PDGFC: variants seen among roughly 807,000 people sequenced by gnomAD.
PDGFC encodes the protein platelet-derived growth factor C.
A neutral mutation model predicts 35.5 loss-of-function variants in PDGFC; 12 were observed. The observed-to-expected ratio is 0.34, with a 90% CI of 0.22 to 0.55. PDGFC has a LOEUF of 0.55. PDGFC is among the 20% of genes least tolerant of loss of function. The pLI, the probability that PDGFC is intolerant of heterozygous loss-of-function variation, is 0.91. For missense variants in PDGFC, 322 were observed against 412.4 expected, an observed-to-expected ratio of 0.78 and a Z score of 1.90; for synonymous variants, 159 against 148.8, an observed-to-expected ratio of 1.07 and a Z score of -0.50.
At chr4:156,910,299 T>C (rs940390818) in intron 1 of PDGFC, among the ~76,000 whole-genome samples, 1 of 152,166 alleles carries the variant, frequency 6.6e-6, no homozygotes, top group African/African-American at 2.4e-5. Context: ...TCTGCTAATG[T>C]TGACATGTTT....
At chr4:156,940,109 A>C (rs753029432) in intron 1 of PDGFC, among the ~76,000 whole-genome samples, 7 of 152,172 alleles carry the variant, frequency 4.6e-5, no homozygotes, top group Non-Finnish European at 1.0e-4. Flanking sequence ...AAAAATACAT[A>C]TTTAAAGAAT....
chr4:156,772,657 T>G (rs770103503), intron 4 of PDGFC, 29 bp downstream of exon 4: 14 of 1,447,872 alleles, frequency 9.7e-6, no homozygotes, highest in Non-Finnish European at 1.4e-5. Context: ...GAAAATTAAA[T>G]GAGGTTCTAA....
chr4:156,852,248 T>C (rs779514558), intron 1 of PDGFC, among the ~76,000 whole-genome samples: 1 of 152,144 alleles, frequency 6.6e-6, no homozygotes, highest in Non-Finnish European at 1.5e-5. Context: ...TGCAGTAACA[T>C]CATGGAGAGA....
chr4:156,930,839 A>C (rs1731534201), intron 1 of PDGFC, among the ~76,000 whole-genome samples: 1 of 152,224 alleles, frequency 6.6e-6, no homozygotes, highest in Non-Finnish European at 1.5e-5. Flanking sequence ...ATTGCACTCC[A>C]GCCTGGGTGA....
intron 2 of PDGFC, among the ~76,000 whole-genome samples, chr4:156,818,223 A>C (rs1220307563): frequency 6.6e-6 from 1 of 151,432 alleles, no homozygotes; most frequent in African/African-American, 2.4e-5. Context: ...TATACACTCA[A>C]TGCATTTTCT....
chr4:156,861,080 A>G (rs948483848), intron 1 of PDGFC, among the ~76,000 whole-genome samples: 19 of 152,174 alleles, frequency 1.2e-4, no homozygotes, highest in Non-Finnish European at 2.2e-4. Context: ...ATAATTTGCC[A>G]GGTAAAACTA....
At chr4:156,811,946 C>A (rs548876688) in intron 2 of PDGFC, among the ~76,000 whole-genome samples, 71 of 152,166 alleles carry the variant, frequency 4.7e-4, no homozygotes, top group Non-Finnish European at 9.1e-4. Context: ...GTCCTCCATG[C>A]CTTTCAAATA....
chr4:156,955,395 A>G (rs2110953505), intron 1 of PDGFC, among the ~76,000 whole-genome samples: 1 of 152,066 alleles, frequency 6.6e-6, no homozygotes, highest in East Asian at 1.9e-4. Context: ...TGTTTTCACC[A>G]CGAAAAAAAA....
At chr4:156,945,332 CATATACATACATATAT>C (rs1731913443) in intron 1 of PDGFC, among the ~76,000 whole-genome samples, 1 of 66,112 alleles carries the variant, frequency 1.5e-5, no homozygotes, top group Non-Finnish European at 3.2e-5. Flanking sequence ...TGTATATATA[CATATACATACATATAT>C]ATATATATAT....
At chr4:156,818,645 C>T (rs112283061) in intron 2 of PDGFC, among the ~76,000 whole-genome samples, 4 of 151,690 alleles carry the variant, frequency 2.6e-5, no homozygotes, top group Admixed American at 6.6e-5. Flanking sequence ...CTCAGCCTCC[C>T]GAGTAGCTGG....
chr4:156,787,333 C>T (rs1203769078), intron 3 of PDGFC, among the ~76,000 whole-genome samples: 2 of 152,070 alleles, frequency 1.3e-5, no homozygotes, highest in Non-Finnish European at 2.9e-5. Context: ...GTTGTGTCAA[C>T]CACTGATGAT....
At chr4:156,847,772 C>G (rs1302338211) in intron 2 of PDGFC, among the ~76,000 whole-genome samples, 1 of 58,116 alleles carries the variant, frequency 1.7e-5, no homozygotes, top group Non-Finnish European at 2.9e-5. Context: ...GCAAAACATC[C>G]ACAATGCTCC....
chr4:156,933,954 A>T (rs1300916268), intron 1 of PDGFC, among the ~76,000 whole-genome samples: 1 of 152,188 alleles, frequency 6.6e-6, no homozygotes, highest in Admixed American at 6.5e-5. Flanking sequence ...CCTCCTTTAT[A>T]AATTACCCAG....
intron 2 of PDGFC, among the ~76,000 whole-genome samples, chr4:156,813,782 T>C (rs1647071213): frequency 6.6e-6 from 1 of 152,074 alleles, no homozygotes; most frequent in Non-Finnish European, 1.5e-5. Context: ...TTTAAAAAAT[T>C]TGTCAACGTT....
At chr4:156,798,323 T>A (rs968920998) in intron 3 of PDGFC, among the ~76,000 whole-genome samples, 7 of 152,176 alleles carry the variant, frequency 4.6e-5, no homozygotes, top group African/African-American at 1.2e-4. Context: ...AGGTCTAAGA[T>A]CACACCAAAA....
At chr4:156,774,872 T>G (rs1730786251) in intron 3 of PDGFC, among the ~76,000 whole-genome samples, 1 of 152,106 alleles carries the variant, frequency 6.6e-6, no homozygotes, top group South Asian at 2.1e-4. Context: ...GTTTATGACA[T>G]GATGTTACAG....
At chr4:156,935,964 G>A (rs1016765700) in intron 1 of PDGFC, among the ~76,000 whole-genome samples, 4 of 152,064 alleles carry the variant, frequency 2.6e-5, no homozygotes, top group African/African-American at 9.7e-5. Flanking sequence ...TCATAGACAG[G>A]GGAGGAAAAA....
chr4:156,934,648 T>C (rs1437817096), intron 1 of PDGFC, among the ~76,000 whole-genome samples: 1 of 152,242 alleles, frequency 6.6e-6, no homozygotes, highest in Non-Finnish European at 1.5e-5. Context: ...TCTTTTGCAA[T>C]AACATTTAGT....
chr4:156,802,575 CACACACACAT>C (rs1731644219), intron 3 of PDGFC, among the ~76,000 whole-genome samples: 1 of 150,312 alleles, frequency 6.7e-6, no homozygotes, highest in African/African-American at 2.5e-5. Flanking sequence ...CACACACACA[CACACACACAT>C]ATACATTTTA....
Sources: allele counts gnomAD v4.1 joint callset (sites outside exome capture counted in the v4.1 genomes callset), GRCh38; gene constraint gnomAD v4.1.1; transcripts MANE v1.5; gene names NCBI Gene and HGNC (gene_info 2026-07-23, HGNC 2026-07-21).